PAX7: variants seen among roughly 807,000 people sequenced by gnomAD.
PAX7 encodes paired box 7.
PAX7 carries 18 observed loss-of-function variants against 50.7 expected under a neutral mutation model. That is an observed-to-expected ratio of 0.36 (90% CI 0.25 to 0.53). PAX7 has a LOEUF of 0.53. Among genes scored for constraint, PAX7 ranks in the 20% least tolerant of loss-of-function variants. The probability of loss-of-function intolerance (pLI) is 0.93; values close to 1 mark genes in which losing one functional copy is unlikely to be tolerated. For missense variants in PAX7, 644 were observed against 702.9 expected (o/e 0.92, Z 0.95); for synonymous variants, 310 against 290.4 (o/e 1.07, Z -0.69).
rs533416779 is a variant in PAX7 at position 18,640,954 on chromosome 1, C to T, written c.586+4583C>T. ...GGCGAGGGGCCGAGCCCACACTGGG[C>T]TGACAAGGCTCCCCTTTTCTTCCCT... On this transcript the variant is annotated intron_variant, in intron 4 of 8. Transcript: ENST00000420770. 2.6e-5 allele frequency among the ~76,000 whole-genome samples: 4 copies of T among 152,272 alleles called. No homozygotes were observed. In the East Asian group the frequency reaches 7.8e-4, roughly 30 times the overall value.
intron 4 of PAX7, 47 bp from the exon 5 acceptor site, chr1:18,691,707 C>A: frequency 6.6e-7 from 1 of 1,523,896 alleles, no homozygotes; most frequent in Non-Finnish European, 8.9e-7. Context: ...GGCACCCTTC[C>A]ATCTCTCTAA....
Position 18,700,902 on chromosome 1 carries a change from T to A in PAX7, c.952+84T>A. ...TTTCACTTACAAAGGCTCTTCTTTT[T>A]TTTATGACCATTTCTTACTTTCATG... On this transcript the variant is annotated intron_variant, in intron 6 of 8. Transcript: ENST00000420770. This position sits in a 1 kb window ranked among gnomAD's most constrained non-coding sequence, Gnocchi z 4.8. 1.7e-6 allele frequency: 2 copies of A among 1,211,464 alleles called. No homozygotes were observed. The highest frequency in any genetic ancestry group is 2.2e-6 in the Non-Finnish European group (2 of 918,100). The allele number at this position is 1,211,464 out of a possible 1,614,324, so 75.0% of individuals were successfully genotyped here.
At chr1:18,727,371 TACAC>T (rs56258552) in intron 7 of PAX7, among the ~76,000 whole-genome samples, 10,932 of 133,980 alleles carry the variant, frequency 0.082, 545 homozygotes, top group African/African-American at 0.12. Flanking sequence ...CTCTCTCTCA[TACAC>T]ACACACACAC....
At chr1:18,721,985 G>A (rs931126579) in intron 7 of PAX7, among the ~76,000 whole-genome samples, 2 of 152,106 alleles carry the variant, frequency 1.3e-5, no homozygotes, top group African/African-American at 4.8e-5. Flanking sequence ...TGTGATCTTG[G>A]GCAAGTCACT....
intron 4 of PAX7, among the ~76,000 whole-genome samples, chr1:18,653,747 C>A (rs982848550): frequency 6.6e-6 from 1 of 151,876 alleles, no homozygotes. Flanking sequence ...GAGGCCAAGT[C>A]ATCTGCTTGA....
chr1:18,674,334 C>G (rs1377728176), intron 4 of PAX7, among the ~76,000 whole-genome samples: 1 of 152,224 alleles, frequency 6.6e-6, no homozygotes, highest in East Asian at 1.9e-4. Flanking sequence ...CTTTTAAAGG[C>G]CACTCTCCTG....
rs1260829684 is a variant in PAX7, at chr1:18,746,003, C to A, written c.*1074C>A. 3.5e-5 allele frequency: 8 copies of A among 230,940 alleles called. No individual in the cohort carries two copies. Among genetic ancestry groups the A allele is most frequent in the Non-Finnish European group, 6.9e-5 (8 of 116,690 alleles). 14.3% of individuals were successfully genotyped at this position (230,940 alleles called of 1,614,324 possible). ...TTTGCCCAAAGCCTTCCGCAGAGGC[C>A]CGAGCCCATCCTTACCATGCCCCAT... On this transcript the variant is annotated 3_prime_UTR_variant, in exon 9 of 9. Coordinates refer to ENST00000420770, the MANE Select transcript of PAX7 (RefSeq NM_001135254.2).
chr1:18,745,961 C>T lies in PAX7; in HGVS notation c.*1032C>T, dbSNP rs77648499. 5.2e-3 allele frequency: 1,196 copies of T among 231,464 alleles called. 13 individuals are homozygous for T. The highest frequency in any genetic ancestry group is 0.024 in the African/African-American group (1,108 of 45,358). 14.3% of individuals were successfully genotyped at this position (231,464 alleles called of 1,614,324 possible). A position where few individuals can be genotyped will look rare whatever the true frequency, so the allele number is the denominator to read the frequency against. On this transcript the variant is annotated 3_prime_UTR_variant, in exon 9 of 9. Transcript: ENST00000420770. ...TCAGCTCTCTGCCTGCAAGTCCACACCCCAGGGAGTTGAGATTTTGCCCAA... is the reference window on the plus strand; with the variant it reads ...TCAGCTCTCTGCCTGCAAGTCCACATCCCAGGGAGTTGAGATTTTGCCCAA...
chr1:18,672,959 C>T (rs1294927280), intron 4 of PAX7, among the ~76,000 whole-genome samples: 2 of 152,102 alleles, frequency 1.3e-5, no homozygotes, highest in Non-Finnish European at 2.9e-5. Context: ...AAGCACAGCA[C>T]GGCGCTGATG....
chr1:18,716,484 A>C (rs1161670146), intron 7 of PAX7, among the ~76,000 whole-genome samples: 2 of 124,182 alleles, frequency 1.6e-5, no homozygotes, highest in African/African-American at 2.9e-5. Context: ...TGGGAAATCC[A>C]CGTCTGTTTG....
At chr1:18,665,158 G>A (rs1234525073) in intron 4 of PAX7, among the ~76,000 whole-genome samples, 1 of 152,144 alleles carries the variant, frequency 6.6e-6, no homozygotes, top group African/African-American at 2.4e-5. Flanking sequence ...GCTCAGTAAA[G>A]GTTAGCAGCT....
chr1:18,698,123 C>T (rs2089172173), intron 5 of PAX7, among the ~76,000 whole-genome samples: 1 of 152,110 alleles, frequency 6.6e-6, no homozygotes, highest in South Asian at 2.1e-4. Context: ...ACTACAGTGG[C>T]ATATCCCAAA....
chr1:18,736,390 G>A (rs1258078263), intron 8 of PAX7, among the ~76,000 whole-genome samples: 4 of 151,424 alleles, frequency 2.6e-5, no homozygotes, highest in Non-Finnish European at 5.9e-5. Flanking sequence ...ACTTGAACCC[G>A]GGAAGCGGAG....
In PAX7 at chr1:18,686,664, A is replaced by G. The variant is rs11578455; in HGVS notation, c.587-5090A>G. 8.5e-3 allele frequency among the ~76,000 whole-genome samples: 1,299 copies of G among 151,990 alleles called. 19 individuals carry two copies. Among genetic ancestry groups the G allele is most frequent in the South Asian group, 0.03 (142 of 4,806 alleles). On this transcript the variant is annotated intron_variant, in intron 4 of 8. Transcript: ENST00000420770. Reference sequence around the variant, plus strand: ...CTAAAGGATTTCCAGGGGTGGGGAGAGAGAAGGGCACCCCAAGAGAGTGGG... The same window carrying G: ...CTAAAGGATTTCCAGGGGTGGGGAGGGAGAAGGGCACCCCAAGAGAGTGGG...
At position 18,727,102 on chromosome 1, in the gene PAX7, TAAA is replaced by T. The variant is rs547985459; in HGVS notation, c.1156-8526_1156-8524del. 1.1e-4 allele frequency among the ~76,000 whole-genome samples: 17 copies of T among 151,832 alleles called. No homozygotes were observed. In the South Asian group the frequency reaches 3.5e-3, roughly 32 times the overall value. On this transcript the variant is annotated intron_variant, in intron 7 of 8. Coordinates refer to ENST00000420770, the MANE Select transcript of PAX7 (RefSeq NM_001135254.2). ...CACACACAATACTCACAGAAACACA[TAAA>T]AAATTCACACATATACACACAAATA...
In PAX7 at chr1:18,725,304, C is replaced by G. The variant is rs952220053; in HGVS notation, c.1156-10328C>G. ...CCACCAATTACAGAGGTGGAGACGC[C>G]CCCCCCCCGCCCCACCAACACCGCC... On this transcript the variant is annotated intron_variant, in intron 7 of 8. Transcript: ENST00000420770. 6.3e-4 allele frequency among the ~76,000 whole-genome samples: 18 copies of G among 28,732 alleles called. 1 individual carries two copies. Among genetic ancestry groups the G allele is most frequent in the Admixed American group, 1.0e-3 (5 of 4,976 alleles). 18.8% of individuals were successfully genotyped at this position (28,732 alleles called of 152,430 possible). A position where few individuals can be genotyped will look rare whatever the true frequency, so the allele number is the denominator to read the frequency against.
In PAX7 at chr1:18,699,564, A is replaced by ATTTT. The variant is rs71027390; in HGVS notation, c.787-1077_787-1074dup. Reference sequence around the variant, plus strand: ...AAGTGGGCTCTAGAAAGCCAGACTGATTTTTTTTTTTTTTTGAGGCAGAGT... The same window carrying ATTTT: ...AAGTGGGCTCTAGAAAGCCAGACTGATTTTTTTTTTTTTTTTTTTGAGGCAGAGT... On this transcript the variant is annotated intron_variant, in intron 5 of 8. Coordinates refer to ENST00000420770, the MANE Select transcript of PAX7 (RefSeq NM_001135254.2). 6.0e-3 allele frequency among the ~76,000 whole-genome samples: 859 copies of ATTTT among 143,792 alleles called. 6 individuals are homozygous for ATTTT. Among genetic ancestry groups the ATTTT allele is most frequent in the African/African-American group, 0.018 (703 of 38,952 alleles). The allele number at this position is 143,792 out of a possible 152,430, so 94.3% of individuals were successfully genotyped here.
At position 18,659,052 on chromosome 1, in the gene PAX7, TTGTG is replaced by T. The variant is rs1275147224; in HGVS notation, c.586+22684_586+22687del. Among the ~76,000 whole-genome samples the T allele has an allele frequency of 2.6e-5, 4 of 152,042 alleles. No individual in the cohort carries two copies. In the East Asian group the frequency reaches 7.7e-4, roughly 29 times the overall value. ...TATGTATATGTGTGTGCATATGTAT[TTGTG>T]TGCATGCATGTGACTGTGTGCACAT... On this transcript the variant is annotated intron_variant, in intron 4 of 8. Coordinates refer to ENST00000420770, the MANE Select transcript of PAX7 (RefSeq NM_001135254.2).
At chr1:18,705,998 G>A (rs948995360) in intron 7 of PAX7, among the ~76,000 whole-genome samples, 1 of 152,180 alleles carries the variant, frequency 6.6e-6, no homozygotes, top group Non-Finnish European at 1.5e-5. Context: ...CAGGCCGTGT[G>A]TGCTTCTGTG....
Sources: gnomAD v4.1 joint callset for allele counts (sites outside exome capture counted in the v4.1 genomes callset) on GRCh38, gnomAD v4.1.1 for gene constraint, Gnocchi (gnomAD v3.1) non-coding constraint, MANE v1.5 for transcripts, NCBI Gene and HGNC (gene_info 2026-07-23, HGNC 2026-07-21) for gene names.